The following PLD1 variants were observed in gnomAD, a reference collection of about 807,000 sequenced individuals.
PLD1 encodes the protein choline phosphatase 1.
Under a neutral mutation model 137.1 loss-of-function variants are expected in PLD1, and 112 were observed. The ratio of observed to expected loss-of-function variants is 0.82; its 90% CI spans 0.70 to 0.96. PLD1 has a LOEUF of 0.96. PLD1 is among the 40% of genes least tolerant of loss of function. The probability of loss-of-function intolerance (pLI) is 0.00; values close to 1 mark genes in which losing one functional copy is unlikely to be tolerated. For missense variants in PLD1, 1,321 were observed against 1,342.0 expected (o/e 0.98, Z 0.24); for synonymous variants, 431 against 454.7 (o/e 0.95, Z 0.66).
At chr3:171,736,870 G>A (rs1719397456) in intron 3 of PLD1, among the ~76,000 whole-genome samples, 1 of 152,198 alleles carries the variant, frequency 6.6e-6, no homozygotes, top group Non-Finnish European at 1.5e-5. Flanking sequence ...GAGAAAAGTA[G>A]CTACCCTAAC....
chr3:171,745,093 A>G (rs1720050168), intron 1 of PLD1, among the ~76,000 whole-genome samples: 1 of 152,212 alleles, frequency 6.6e-6, no homozygotes, highest in Non-Finnish European at 1.5e-5. Flanking sequence ...TTCCTTTAAT[A>G]TATCCTAGAG....
At chr3:171,636,797 C>T (rs530273971) in intron 23 of PLD1, among the ~76,000 whole-genome samples, 24 of 152,104 alleles carry the variant, frequency 1.6e-4, no homozygotes, top group Admixed American at 1.2e-3. Context: ...ACCTCCAGTA[C>T]GATGTTGACA....
At chr3:171,658,297 T>C (rs996479634) in intron 21 of PLD1, among the ~76,000 whole-genome samples, 5 of 152,170 alleles carry the variant, frequency 3.3e-5, no homozygotes, top group Non-Finnish European at 7.4e-5. Context: ...AGCTATAACC[T>C]GACAATTCTA....
rs557144108 is a variant in PLD1 at position 171,684,001 on chromosome 3, A to C, written c.1867+2684T>G. The stretch of plus-strand genomic sequence containing the variant: ...GACGTTTAGGTTGTTCTCTCTCTCT[A>C]TCTCTCTCTCTGTCTCTCAACAATG... On this transcript the variant is annotated intron_variant, in intron 16 of 26. Coordinates refer to ENST00000351298, the MANE Select transcript of PLD1 (RefSeq NM_002662.5). 4.6e-5 allele frequency among the ~76,000 whole-genome samples: 7 copies of C among 151,898 alleles called. No individual in the cohort carries two copies. The South Asian group carries it at 6.2e-4, about 14-fold the overall frequency.
chr3:171,646,166 T>C (rs565852110), intron 21 of PLD1, among the ~76,000 whole-genome samples: 3 of 152,156 alleles, frequency 2.0e-5, no homozygotes, highest in African/African-American at 4.8e-5. Context: ...TTATAGGATA[T>C]ACAGGGAGAA....
chr3:171,805,801 G>A (rs894088076), intron 1 of PLD1, among the ~76,000 whole-genome samples: 1 of 152,230 alleles, frequency 6.6e-6, no homozygotes, highest in African/African-American at 2.4e-5. Flanking sequence ...AACTCTGGGT[G>A]CAAGCTGCCT....
At chr3:171,700,053 T>TCC (rs1406782502) in intron 11 of PLD1, among the ~76,000 whole-genome samples, 7 of 150,932 alleles carry the variant, frequency 4.6e-5, no homozygotes, top group Admixed American at 3.3e-4. Context: ...TCTCTCTCTC[T>TCC]CCCCCCTCTT....
chr3:171,687,375 G>A lies in PLD1; in HGVS notation c.1749C>T (p.Thr583=). 1 of 1,613,422 alleles carries A rather than the reference G, an allele frequency of 6.2e-7. No homozygotes were observed. The highest frequency in any genetic ancestry group is 8.5e-7 in the Non-Finnish European group (1 of 1,179,326). ...DADSISSIDS[T]SSYFNHYRSH... ...CTAGTCAAGGCCATGACTTACTGGA[G>A]GTGCTGTCAATGCTGCTGATGCTAT... Residue 583 remains threonine (T), a synonymous_variant, in exon 15 of 27, where the codon ACC becomes ACT. Coordinates refer to ENST00000351298, the MANE Select transcript of PLD1 (RefSeq NM_002662.5).
chr3:171,702,258 G>A (rs1716309915), intron 11 of PLD1, among the ~76,000 whole-genome samples: 1 of 152,112 alleles, frequency 6.6e-6, no homozygotes, highest in Non-Finnish European at 1.5e-5. Flanking sequence ...GGCTAAAATG[G>A]GAGGATTGCA....
At chr3:171,798,940 C>T (rs1175892021) in intron 1 of PLD1, among the ~76,000 whole-genome samples, 1 of 152,192 alleles carries the variant, frequency 6.6e-6, no homozygotes, top group Non-Finnish European at 1.5e-5. Flanking sequence ...TAGCCTACCG[C>T]ACACTAAGCC....
chr3:171,718,135 A>C (rs1717813450), intron 8 of PLD1, among the ~76,000 whole-genome samples: 1 of 152,244 alleles, frequency 6.6e-6, no homozygotes, highest in African/African-American at 2.4e-5. Flanking sequence ...CATTGATCCC[A>C]CAGAAATACA....
At chr3:171,739,564 A>G (rs948413905) in intron 1 of PLD1, among the ~76,000 whole-genome samples, 1 of 152,184 alleles carries the variant, frequency 6.6e-6, no homozygotes, top group African/African-American at 2.4e-5. Context: ...CTTCTAATTT[A>G]TATCATAATA....
rs185373619 is a variant in PLD1 at position 171,769,241 on chromosome 3, A to G, written c.-31-31159T>C. ...TGTTACCATCTCTAGATGAAAAGCT[A>G]TGAAGCACTTGGGAACACAGAAACT... On this transcript the variant is annotated intron_variant, in intron 1 of 26. Coordinates refer to ENST00000351298, the MANE Select transcript of PLD1 (RefSeq NM_002662.5). 3.5e-4 allele frequency among the ~76,000 whole-genome samples: 54 copies of G among 152,334 alleles called. 1 individual carries two copies. Among genetic ancestry groups the G allele is most frequent in the Non-Finnish European group, 5.6e-4 (38 of 68,034 alleles).
At chr3:171,606,864 T>C (rs1361475189) in intron 25 of PLD1, among the ~76,000 whole-genome samples, 1 of 152,190 alleles carries the variant, frequency 6.6e-6, no homozygotes, top group Non-Finnish European at 1.5e-5. Context: ...TACATTTCTG[T>C]GATTATTTCA....
At chr3:171,675,588 A>T (rs2108476941) in intron 18 of PLD1, among the ~76,000 whole-genome samples, 1 of 152,284 alleles carries the variant, frequency 6.6e-6, no homozygotes, top group South Asian at 2.1e-4. Context: ...ATCAGCAGAG[A>T]CTTTTATCTT....
At chr3:171,676,610 G>T in intron 18 of PLD1, 105 bp downstream of exon 18, 1 of 859,074 alleles carries the variant, frequency 1.2e-6, no homozygotes, top group Non-Finnish European at 1.9e-6. Flanking sequence ...TGACACAGTT[G>T]TGGCCACAAC....
chr3:171,667,813 G>A (rs867483012), intron 19 of PLD1, among the ~76,000 whole-genome samples: 4 of 152,302 alleles, frequency 2.6e-5, no homozygotes, highest in Middle Eastern at 3.4e-3. Context: ...GTACAATGGC[G>A]TGATCTCTGC....
intron 1 of PLD1, among the ~76,000 whole-genome samples, chr3:171,798,988 C>T (rs1723537529): frequency 6.6e-6 from 1 of 152,142 alleles, no homozygotes; most frequent in Non-Finnish European, 1.5e-5. Context: ...CATTCTGGTC[C>T]CTTCGACCAG....
intron 25 of PLD1, among the ~76,000 whole-genome samples, chr3:171,608,446 A>T (rs1225119601): frequency 6.6e-6 from 1 of 152,244 alleles, no homozygotes; most frequent in East Asian, 1.9e-4. Context: ...TGGAAGAATT[A>T]ATGTTTATGA....
Sources: gnomAD v4.1 joint callset for allele counts (sites outside exome capture counted in the v4.1 genomes callset) on GRCh38, gnomAD v4.1.1 for gene constraint, MANE v1.5 for transcripts, NCBI Gene and HGNC (gene_info 2026-07-23, HGNC 2026-07-21) for gene names.